Variants in NOS1AP observed in about 807,000 individuals in gnomAD.
NOS1AP encodes the protein carboxyl-terminal PDZ ligand of neuronal nitric oxide synthase protein.
A neutral mutation model predicts 56.2 loss-of-function variants in NOS1AP; 21 were observed. The observed-to-expected ratio is 0.37, with a 90% CI of 0.26 to 0.54. The LOEUF is 0.54. Among genes scored for constraint, NOS1AP ranks in the 20% least tolerant of loss-of-function variants. The pLI is 0.84. For missense variants in NOS1AP, 522 were observed against 657.8 expected (o/e 0.79, Z 2.26); for synonymous variants, 270 against 274.6 (o/e 0.98, Z 0.17).
chr1:162,107,397 A>G (rs1271492919), intron 1 of NOS1AP, among the ~76,000 whole-genome samples: 1 of 152,242 alleles, frequency 6.6e-6, no homozygotes, highest in Non-Finnish European at 1.5e-5. Flanking sequence ...ATGCTGTGGC[A>G]TGGTCATAGC....
intron 2 of NOS1AP, among the ~76,000 whole-genome samples, chr1:162,249,634 T>G (rs1312866316): frequency 2.6e-5 from 4 of 152,242 alleles, no homozygotes; most frequent in Admixed American, 6.5e-5. Context: ...TAATCATCTA[T>G]TCAATGGTTG....
chr1:162,144,674 G>A (rs1052683825), intron 1 of NOS1AP, among the ~76,000 whole-genome samples: 3 of 152,122 alleles, frequency 2.0e-5, no homozygotes, highest in African/African-American at 2.4e-5. Flanking sequence ...GGTACAGCCC[G>A]GCCTCTGCCT....
chr1:162,349,759 A>G (rs1029976514), intron 6 of NOS1AP, among the ~76,000 whole-genome samples: 2 of 152,180 alleles, frequency 1.3e-5, no homozygotes, highest in Non-Finnish European at 2.9e-5. Context: ...GAGCTAGACA[A>G]GGCCTCTCCA....
At chr1:162,138,572 A>T (rs1649101723) in intron 1 of NOS1AP, among the ~76,000 whole-genome samples, 1 of 152,204 alleles carries the variant, frequency 6.6e-6, no homozygotes, top group Admixed American at 6.5e-5. Context: ...TTTGAAGAAC[A>T]TCTCTGTGAC....
intron 2 of NOS1AP, among the ~76,000 whole-genome samples, chr1:162,232,965 A>G (rs1307591065): frequency 6.6e-6 from 1 of 152,210 alleles, no homozygotes; most frequent in Non-Finnish European, 1.5e-5. Flanking sequence ...CATAGCCAGA[A>G]AGAGGATGAG....
chr1:162,211,712 C>T (rs1157620684), intron 2 of NOS1AP, among the ~76,000 whole-genome samples: 1 of 152,006 alleles, frequency 6.6e-6, no homozygotes, highest in Non-Finnish European at 1.5e-5. Flanking sequence ...TGTTTGAGAC[C>T]CTGGGGGAGC....
chr1:162,186,977 G>GT (rs1470393522), intron 2 of NOS1AP, among the ~76,000 whole-genome samples: 5 of 152,004 alleles, frequency 3.3e-5, no homozygotes, highest in Non-Finnish European at 5.9e-5. Flanking sequence ...TTATTTGTTT[G>GT]TTTTTTTGAG....
At chr1:162,304,504 C>T (rs1011937876) in intron 4 of NOS1AP, among the ~76,000 whole-genome samples, 8 of 152,002 alleles carry the variant, frequency 5.3e-5, no homozygotes, top group Admixed American at 3.3e-4. Context: ...TGTCTTTTTC[C>T]ATCCATTCAC....
chr1:162,075,073 G>A (rs982065830), intron 1 of NOS1AP, among the ~76,000 whole-genome samples: 4 of 152,178 alleles, frequency 2.6e-5, no homozygotes, highest in South Asian at 2.1e-4. Flanking sequence ...AAGATTGCAC[G>A]TGGGATGAGA....
At chr1:162,148,010 T>C (rs1445063946) in intron 1 of NOS1AP, among the ~76,000 whole-genome samples, 1 of 152,114 alleles carries the variant, frequency 6.6e-6, no homozygotes. Context: ...AGGTTTAACA[T>C]ACCACCCCTC....
intron 1 of NOS1AP, among the ~76,000 whole-genome samples, chr1:162,093,577 C>A (rs190175932): frequency 6.6e-6 from 1 of 151,460 alleles, no homozygotes; most frequent in Non-Finnish European, 1.5e-5. Flanking sequence ...TTTTTTTTGC[C>A]GCTATCTCAC....
intron 8 of NOS1AP, among the ~76,000 whole-genome samples, chr1:162,357,523 C>T (rs12745104): frequency 0.06 from 9,062 of 152,024 alleles, 317 homozygotes; most frequent in South Asian, 0.12. Context: ...TTTATGATAC[C>T]ACTCTTAAAA....
chr1:162,100,671 C>A (rs1205162547), intron 1 of NOS1AP, among the ~76,000 whole-genome samples: 1 of 151,224 alleles, frequency 6.6e-6, no homozygotes, highest in African/African-American at 2.5e-5. Context: ...GCTTTTGTTG[C>A]CATTGCTTTT....
intron 2 of NOS1AP, among the ~76,000 whole-genome samples, chr1:162,215,714 C>T (rs1208281886): frequency 6.6e-6 from 1 of 152,226 alleles, no homozygotes; most frequent in Non-Finnish European, 1.5e-5. Context: ...GTCCTCCACT[C>T]ATGCCCAGGC....
intron 2 of NOS1AP, among the ~76,000 whole-genome samples, chr1:162,226,518 A>T (rs1165195324): frequency 6.6e-6 from 1 of 152,220 alleles, no homozygotes; most frequent in African/African-American, 2.4e-5. Context: ...CATTACAACA[A>T]TAATTGTGAA....
At chr1:162,240,273 G>GTGTT (rs1653450455) in intron 2 of NOS1AP, among the ~76,000 whole-genome samples, 1 of 151,886 alleles carries the variant, frequency 6.6e-6, no homozygotes, top group Non-Finnish European at 1.5e-5. Flanking sequence ...GTGTGTGTGT[G>GTGTT]TGTGTGTGTG....
intron 2 of NOS1AP, among the ~76,000 whole-genome samples, chr1:162,262,874 C>T (rs1042491944): frequency 1.3e-5 from 2 of 152,208 alleles, no homozygotes; most frequent in Non-Finnish European, 2.9e-5. Context: ...AGTATATTCT[C>T]TTTATGATTT....
chr1:162,125,228 G>T (rs1648433571), intron 1 of NOS1AP, among the ~76,000 whole-genome samples: 1 of 150,750 alleles, frequency 6.6e-6, no homozygotes, highest in Non-Finnish European at 1.5e-5. Flanking sequence ...CCACCTCCTG[G>T]GTTGAAGCGA....
intron 6 of NOS1AP, among the ~76,000 whole-genome samples, chr1:162,350,369 C>G (rs1657452205): frequency 6.6e-6 from 1 of 152,198 alleles, no homozygotes; most frequent in South Asian, 2.1e-4. Context: ...TTCTTTCTTC[C>G]CTGTTCTTAC....
Sources: gnomAD v4.1 joint callset for allele counts (sites outside exome capture counted in the v4.1 genomes callset) on GRCh38, gnomAD v4.1.1 for gene constraint, MANE v1.5 for transcripts, NCBI Gene and HGNC (gene_info 2026-07-23, HGNC 2026-07-21) for gene names.